Variants in ASTN2 observed in about 807,000 individuals in gnomAD.
ASTN2 encodes the protein astrotactin-2.
In ASTN2, 54 loss-of-function variants were observed where a neutral mutation model predicts 139.8. The observed-to-expected ratio is 0.39, with a 90% CI of 0.31 to 0.48. ASTN2 has a LOEUF of 0.48. Ranked by LOEUF, ASTN2 falls within the 20% of genes least tolerant of loss-of-function variation. The pLI, the probability that ASTN2 is intolerant of heterozygous loss-of-function variation, is 0.95. For missense variants in ASTN2, 1,565 were observed against 1,725.1 expected (o/e 0.91, Z 1.64); for synonymous variants, 756 against 719.5 (o/e 1.05, Z -0.81).
chr9:116,946,976 T>C (rs1170630270), intron 10 of ASTN2, among the ~76,000 whole-genome samples: 1 of 147,492 alleles, frequency 6.8e-6, no homozygotes, highest in East Asian at 2.0e-4. Context: ...TTTAAATTTC[T>C]AGGTGGGAAA....
At chr9:116,511,370 A>G (rs1054226355) in intron 19 of ASTN2, among the ~76,000 whole-genome samples, 10 of 152,196 alleles carry the variant, frequency 6.6e-5, no homozygotes, top group Non-Finnish European at 1.5e-4. Context: ...ATCATGGTGG[A>G]TAAGTTTTTT....
At chr9:117,016,659 C>CTATATATATGTTACATATATATAGGTTA (rs1564386104) in intron 6 of ASTN2, among the ~76,000 whole-genome samples, 6 of 11,962 alleles carry the variant, frequency 5.0e-4, no homozygotes, top group African/African-American at 5.7e-4. Context: ...TATATATAAC[C>CTATATATATGTTACATATATATAGGTTA]TATATATATG....
intron 10 of ASTN2, among the ~76,000 whole-genome samples, chr9:116,894,734 G>A (rs77382006): frequency 0.011 from 1,665 of 152,250 alleles, 8 homozygotes; most frequent in Non-Finnish European, 0.019. Context: ...GAGAGCCACC[G>A]ATGCCCAGCC....
chr9:116,771,396 C>A (rs1288339263), intron 13 of ASTN2, among the ~76,000 whole-genome samples: 1 of 152,156 alleles, frequency 6.6e-6, no homozygotes, highest in Non-Finnish European at 1.5e-5. Context: ...AGGTGATCCA[C>A]ATAAAGCACA....
chr9:116,722,206 G>A (rs1172703365), intron 16 of ASTN2, among the ~76,000 whole-genome samples: 1 of 152,098 alleles, frequency 6.6e-6, no homozygotes, highest in African/African-American at 2.4e-5. Flanking sequence ...AACAACGTAG[G>A]AACAGAGCCT....
intron 19 of ASTN2, among the ~76,000 whole-genome samples, chr9:116,493,248 G>C (rs560818297): frequency 6.6e-6 from 1 of 152,252 alleles, no homozygotes; most frequent in East Asian, 1.9e-4. Flanking sequence ...CGTCCTCCCT[G>C]GTACCTTGTT....
intron 1 of ASTN2, among the ~76,000 whole-genome samples, chr9:117,321,127 G>A (rs1385925197): frequency 1.3e-5 from 2 of 152,098 alleles, no homozygotes; most frequent in South Asian, 2.1e-4. Flanking sequence ...AGAGAAACAC[G>A]CCTGCCTAAA....
chr9:116,582,548 T>G (rs764884798), intron 19 of ASTN2: 1 of 152,270 alleles, frequency 6.6e-6, no homozygotes, highest in Non-Finnish European at 1.5e-5. Context: ...ACTCCAAGCC[T>G]GTGCTGAACA....
At chr9:117,412,338 G>C (rs1213069895) in intron 1 of ASTN2, among the ~76,000 whole-genome samples, 2 of 152,106 alleles carry the variant, frequency 1.3e-5, no homozygotes. Context: ...GTCCCAAGCT[G>C]CCAGGCTCAG....
intron 7 of ASTN2, among the ~76,000 whole-genome samples, chr9:116,978,495 GCACACACACACA>G (rs5900243): frequency 7.8e-6 from 1 of 127,644 alleles, no homozygotes; most frequent in Non-Finnish European, 1.7e-5. Flanking sequence ...TCTCTCTCAC[GCACACACACACA>G]CACACACACA....
At chr9:116,681,150 T>C (rs1033337124) in intron 16 of ASTN2, among the ~76,000 whole-genome samples, 1 of 152,220 alleles carries the variant, frequency 6.6e-6, no homozygotes, top group African/African-American at 2.4e-5. Flanking sequence ...AAAATCTCCT[T>C]AAGCTGATAA....
At chr9:116,970,841 C>A (rs780463908) in intron 10 of ASTN2, among the ~76,000 whole-genome samples, 58 of 152,194 alleles carry the variant, frequency 3.8e-4, no homozygotes, top group Non-Finnish European at 7.3e-4. Flanking sequence ...GACTGAGGCG[C>A]TCCAAAAGCT....
chr9:117,026,021 T>G (rs1838066107), intron 6 of ASTN2, among the ~76,000 whole-genome samples: 1 of 152,056 alleles, frequency 6.6e-6, no homozygotes, highest in South Asian at 2.1e-4. Context: ...CACCTCAGCC[T>G]CCCAAAGTGT....
intron 16 of ASTN2, among the ~76,000 whole-genome samples, chr9:116,677,022 G>C (rs1206675901): frequency 6.6e-6 from 1 of 152,210 alleles, no homozygotes; most frequent in East Asian, 1.9e-4. Flanking sequence ...GCTAAAGCCA[G>C]GTAATAAGAG....
chr9:116,909,050 A>C (rs536374618), intron 10 of ASTN2, among the ~76,000 whole-genome samples: 1 of 152,304 alleles, frequency 6.6e-6, no homozygotes, highest in African/African-American at 2.4e-5. Flanking sequence ...AAAGAACTTC[A>C]TAGGCAGTGG....
At chr9:117,175,634 T>C (rs1180866739) in intron 3 of ASTN2, among the ~76,000 whole-genome samples, 1 of 152,200 alleles carries the variant, frequency 6.6e-6, no homozygotes, top group Non-Finnish European at 1.5e-5. Flanking sequence ...ATGACAGTGG[T>C]GTCATAAATC....
At chr9:116,486,521 GTC>G (rs1849343554) in intron 20 of ASTN2, among the ~76,000 whole-genome samples, 1 of 152,198 alleles carries the variant, frequency 6.6e-6, no homozygotes, top group African/African-American at 2.4e-5. Context: ...ATCCCTGAGT[GTC>G]TAAATACAGT....
chr9:116,704,414 C>T (rs1827937255), intron 16 of ASTN2, among the ~76,000 whole-genome samples: 1 of 152,182 alleles, frequency 6.6e-6, no homozygotes. Context: ...GACTTTGTGT[C>T]ACTTAGCTGT....
chr9:116,721,925 A>T (rs1257310223), intron 16 of ASTN2, among the ~76,000 whole-genome samples: 1 of 152,188 alleles, frequency 6.6e-6, no homozygotes, highest in Non-Finnish European at 1.5e-5. Flanking sequence ...GATCTAGACC[A>T]CTATACTTCC....
Sources: gnomAD v4.1 joint callset for allele counts (sites outside exome capture counted in the v4.1 genomes callset) on GRCh38, gnomAD v4.1.1 for gene constraint, MANE v1.5 for transcripts, NCBI Gene and HGNC (gene_info 2026-07-23, HGNC 2026-07-21) for gene names.